The following PAN2 variants were observed in gnomAD, a reference collection of about 807,000 sequenced individuals.
PAN2 encodes the protein PAN2-PAN3 deadenylation complex catalytic subunit PAN2.
In PAN2, 68 loss-of-function variants were observed where a neutral mutation model predicts 133.3. That is an observed-to-expected ratio of 0.51 (90% CI 0.42 to 0.62). PAN2 has a LOEUF of 0.62. Ranked by LOEUF, PAN2 falls within the 20% of genes least tolerant of loss-of-function variation. The pLI, the probability that PAN2 is intolerant of heterozygous loss-of-function variation, is 0.00. For synonymous variants in PAN2, 462 were observed against 544.6 expected, an observed-to-expected ratio of 0.85 and a Z score of 2.11; for missense variants, 1,042 against 1,500.5, an observed-to-expected ratio of 0.69 and a Z score of 5.05.
chr12:56,329,324 T>A (rs1030761699), intron 2 of PAN2, among the ~76,000 whole-genome samples: 1 of 152,136 alleles, frequency 6.6e-6, no homozygotes. Flanking sequence ...AAGGATTTTT[T>A]AAAATTTTTA....
In PAN2 at chr12:56,322,091, T is replaced by A. The variant is rs1429978298; in HGVS notation, c.2775A>T (p.Arg925Ser). 1 of 1,595,216 alleles carries A rather than the reference T, an allele frequency of 6.3e-7. No homozygotes were observed. The highest frequency in any genetic ancestry group is 8.6e-7 in the Non-Finnish European group (1 of 1,162,936). ...TGTAGCACTTACTGTTCAGGTTGTA[T>A]CTGGAATTGAGATTCCGTTTGACAT... ...LYYVKRNLNSRYNLNIKNPIE... is the reference protein window; with the variant it reads ...LYYVKRNLNSSYNLNIKNPIE... The change falls in exon 20 of 26, where the codon AGA becomes AGT. Residue 925 changes from arginine to serine, a missense_variant. Coordinates refer to ENST00000440411, the MANE Select transcript of PAN2 (RefSeq NM_014871.6).
At chr12:56,323,720 G>A (rs1874817501) in intron 14 of PAN2, 87 bp downstream of exon 14, 2 of 1,417,564 alleles carry the variant, frequency 1.4e-6, no homozygotes, top group Non-Finnish European at 1.0e-6. Context: ...CTGGATGGCA[G>A]TGCTGACAGA....
chr12:56,325,500 T>C (rs1225238576), intron 8 of PAN2, 46 bp from the exon 9 acceptor site: 1 of 1,609,030 alleles, frequency 6.2e-7, no homozygotes, highest in South Asian at 1.1e-5. Context: ...TCTTGTCATC[T>C]TTGGCTTCAC....
At chr12:56,330,124 C>CA (rs1344018971) in intron 2 of PAN2, among the ~76,000 whole-genome samples, 11 of 152,112 alleles carry the variant, frequency 7.2e-5, no homozygotes, top group Admixed American at 7.2e-4. Context: ...AAGTTAGAGG[C>CA]ATGGAGCTCT....
rs1379113303 is a variant in PAN2, at chr12:56,320,032, G to C, written c.2789-11C>G. 1 of 1,613,994 alleles carries C rather than the reference G, an allele frequency of 6.2e-7. No homozygotes were observed. On this transcript the variant is annotated splice_polypyrimidine_tract_variant and intron_variant, in intron 20 of 25. Transcript: ENST00000440411. Reference sequence around the variant, plus strand: ...CAATAGGGTTCTTGACTAGAAGGGAGAATGCAGAGGACACAGGGCTTGGAT... The same window carrying C: ...CAATAGGGTTCTTGACTAGAAGGGACAATGCAGAGGACACAGGGCTTGGAT...
chr12:56,323,916 G>C lies in PAN2; in HGVS notation c.2066-3C>G. ...GTCATAGTTCTTCCCAGTTTTATCT[G>C]AGGGAAAATTAGATGCTATACTCCT... On this transcript the variant is annotated splice_polypyrimidine_tract_variant and splice_region_variant and intron_variant, in intron 13 of 25. Coordinates refer to ENST00000440411, the MANE Select transcript of PAN2 (RefSeq NM_014871.6). The C allele has an allele frequency of 6.2e-7, 1 of 1,612,022 alleles. No homozygotes were observed. The highest frequency in any genetic ancestry group is 1.3e-5 in the African/African-American group (1 of 75,016).
At chr12:56,320,213 A>G (rs1290495897) in intron 20 of PAN2, among the ~76,000 whole-genome samples, 192 bp from the exon 21 acceptor site, 1 of 152,238 alleles carries the variant, frequency 6.6e-6, no homozygotes, top group East Asian at 1.9e-4. Flanking sequence ...ATTATCAACA[A>G]ACATGCTGAG....
In PAN2 at chr12:56,322,245, A is replaced by T; in HGVS notation, c.2698-77T>A. On this transcript the variant is annotated intron_variant, in intron 19 of 25. Coordinates refer to ENST00000440411, the MANE Select transcript of PAN2 (RefSeq NM_014871.6). ...TCCCCCACTTCAGACGGAGGCCAGG[A>T]CTCAGGTGCTAGTTTTTGTTTTTTT... is the stretch of plus-strand genomic sequence containing the variant. 4.5e-6 allele frequency: 5 copies of T among 1,101,590 alleles called. No homozygotes were observed. In the Admixed American group the frequency reaches 7.6e-5, roughly 17 times the overall value. The allele number at this position is 1,101,590 out of a possible 1,614,324, so 68.2% of individuals were successfully genotyped here.
rs1441214609 is a variant in PAN2 at position 56,327,975 on chromosome 12, G to A, written c.651+20C>T. 1.2e-6 allele frequency: 2 copies of A among 1,613,736 alleles called. No individual in the cohort carries two copies. Among genetic ancestry groups the A allele is most frequent in the South Asian group, 1.1e-5 (1 of 90,992 alleles). ...GTGAAACAGGGCCCTGCAGTGGGAG[G>A]AGAAATGGAACTTGGCCACCTTGCC... On this transcript the variant is annotated intron_variant, in intron 5 of 25. Transcript: ENST00000440411.
chr12:56,330,651 G>A (rs1405660300), intron 2 of PAN2, among the ~76,000 whole-genome samples: 1 of 151,934 alleles, frequency 6.6e-6, no homozygotes, highest in Non-Finnish European at 1.5e-5. Context: ...GAGCCACCGC[G>A]CCCGGCCTGT....
At position 56,328,325 on chromosome 12, in the gene PAN2, TAGG is replaced by T; in HGVS notation, c.483_485del (p.Leu163del). 6.2e-7 allele frequency: 1 copy of T among 1,608,562 alleles called. No individual in the cohort carries two copies. On this transcript the variant is annotated inframe_deletion, in exon 4 of 26. Coordinates refer to ENST00000440411, the MANE Select transcript of PAN2 (RefSeq NM_014871.6). ...CGAGTAGAGTGCTGCTGTCAGTCAG[TAGG>T]AGACTGTGCATATCCTCATTCTCAT...
At chr12:56,333,326 C>A in intron 1 of PAN2, 118 bp from the exon 2 acceptor site, 38 of 510,168 alleles carry the variant, frequency 7.4e-5, no homozygotes, top group South Asian at 1.2e-4. Context: ...GACTGCCAGC[C>A]AAAGGATGAA....
Position 56,328,579 on chromosome 12 carries a change from G to A in PAN2, c.345C>T (p.Gly115=). The part of the protein sequence containing the change: ...LERYSSFQVN[G]SDDIRQIQSL... ...TCTGGATCTGCCGAATATCATCACT[G>A]CCATTGACTTGAAAGGATGAGTAGC... Residue 115 remains glycine (G), a synonymous_variant, in exon 3 of 26, where the codon GGC becomes GGT. Transcript: ENST00000440411. The A allele has an allele frequency of 6.2e-7, 1 of 1,614,134 alleles. No homozygotes were observed. Among genetic ancestry groups the A allele is most frequent in the Non-Finnish European group, 8.5e-7 (1 of 1,179,946 alleles).
Position 56,326,918 on chromosome 12 carries a change from C to T in PAN2, c.961G>A (p.Ala321Thr). The change falls in exon 7 of 26, where the codon GCC becomes ACC. Residue 321 changes from alanine to threonine, a missense_variant. This residue lies in a region of PAN2 where 908 missense variants were observed against 1,223.5 expected (regional missense o/e 0.74). Coordinates refer to ENST00000440411, the MANE Select transcript of PAN2 (RefSeq NM_014871.6). ...ACAGGATTCACATGAAAGATATCGGCTGGGTTGGCCAGGCCTGTGGGTTCA... is the reference window on the plus strand; with the variant it reads ...ACAGGATTCACATGAAAGATATCGGTTGGGTTGGCCAGGCCTGTGGGTTCA... The part of the protein sequence containing the change: ...FCEPTGLANP[A>T]DIFHVNPVGP... 6.2e-7 allele frequency: 1 copy of T among 1,614,092 alleles called. No homozygotes were observed. The highest frequency in any genetic ancestry group is 1.1e-5 in the South Asian group (1 of 91,078).
At chr12:56,318,134 G>T (rs548991111) in intron 25 of PAN2, 103 bp downstream of exon 25, 9 of 934,404 alleles carry the variant, frequency 9.6e-6, no homozygotes, top group Non-Finnish European at 1.5e-5. Context: ...CTGTAATCAC[G>T]CTACTGCACT....
Position 56,327,472 on chromosome 12 carries a change from C to T in PAN2, c.811G>A (p.Asp271Asn). ...LACDRFLKVYDLRMMRAITPL... is the reference protein window; with the variant it reads ...LACDRFLKVYNLRMMRAITPL... ...GTGATGGCACGCATCATGCGCAAAT[C>T]ATACACCTTGAGGAAACGGTCGCAG... is the stretch of plus-strand genomic sequence containing the variant. Residue 271 changes from aspartate (D) to asparagine (N), a missense_variant, in exon 6 of 26, where the codon GAT becomes AAT. Asp to Asn is a conservative substitution (Grantham distance 23, BLOSUM62 1). Around this residue, in one of 3 missense-constraint regions of PAN2, gnomAD observed 908 missense variants for 1,223.5 expected, o/e 0.74. Coordinates refer to ENST00000440411, the MANE Select transcript of PAN2 (RefSeq NM_014871.6). 6.2e-7 allele frequency: 1 copy of T among 1,614,222 alleles called. No homozygotes were observed.
At chr12:56,325,597 T>G (rs1875026147) in intron 8 of PAN2, 143 bp from the exon 9 acceptor site, 1 of 876,592 alleles carries the variant, frequency 1.1e-6, no homozygotes, top group African/African-American at 1.7e-5. Context: ...TTCCTTTCTA[T>G]TTCCACTGCC....
At position 56,326,596 on chromosome 12, in the gene PAN2, G is replaced by A. The variant is rs773730256; in HGVS notation, c.1262+21C>T. 3 of 1,594,552 alleles carry A rather than the reference G, an allele frequency of 1.9e-6. No homozygotes were observed. In the African/African-American group the frequency reaches 4.0e-5, roughly 21 times the overall value. ...CCTTTCCCTGTCCCTCCCGCCTTTT[G>A]GCCCAGAGGTAGGGTACAACCTGGG... On this transcript the variant is annotated intron_variant, in intron 7 of 25. Coordinates refer to ENST00000440411, the MANE Select transcript of PAN2 (RefSeq NM_014871.6).
At position 56,323,083 on chromosome 12, in the gene PAN2, C is replaced by A. The variant is rs769287399; in HGVS notation, c.2472G>T (p.Trp824Cys). ...CAACCTGCATCTCATCCCCATCAGT[C>A]CAATTGCAAACATCCAGCCCTTTGT... Reference protein sequence around the residue: ...TKNKGLDVCNWTDGDEMQWGP... With the variant: ...TKNKGLDVCNCTDGDEMQWGP... The change falls in exon 17 of 26, where the codon TGG becomes TGT. Residue 824 changes from tryptophan to cysteine, a missense_variant. Physicochemically the swap from Trp to Cys is radical, Grantham distance 215. Transcript: ENST00000440411. 2 of 1,614,170 alleles carry A rather than the reference C, an allele frequency of 1.2e-6. No individual in the cohort carries two copies. Among genetic ancestry groups the A allele is most frequent in the Non-Finnish European group, 1.7e-6 (2 of 1,180,036 alleles).
Sources: gnomAD v4.1 joint callset for allele counts (sites outside exome capture counted in the v4.1 genomes callset) on GRCh38, gnomAD v4.1.1 for gene constraint, gnomAD v4.1.1 regional missense constraint, MANE v1.5 for transcripts, NCBI Gene and HGNC (gene_info 2026-07-23, HGNC 2026-07-21) for gene names.